The following LHPP variants were observed in gnomAD, a reference collection of about 807,000 sequenced individuals.
LHPP encodes hLHPP.
Under a neutral mutation model 30.3 loss-of-function variants are expected in LHPP, and 24 were observed. The ratio of observed to expected loss-of-function variants is 0.79; its 90% confidence interval spans 0.57 to 1.11. LHPP has a LOEUF of 1.11. Among genes scored for constraint, LHPP ranks in the 50% most tolerant of loss-of-function variants. The probability of loss-of-function intolerance (pLI) is 0.00; values close to 1 mark genes in which losing one functional copy is unlikely to be tolerated. For missense variants in LHPP, 356 were observed against 367.2 expected, an observed-to-expected ratio of 0.97 and a Z score of 0.25; for synonymous variants, 150 against 157.1, an observed-to-expected ratio of 0.95 and a Z score of 0.34.
At chr10:124,550,297 G>A (rs935246979) in intron 6 of LHPP, among the ~76,000 whole-genome samples, 3 of 152,346 alleles carry the variant, frequency 2.0e-5, no homozygotes, top group Non-Finnish European at 2.9e-5. Context: ...GGTGACCCCC[G>A]TCTTGGTTGT....
At chr10:124,469,501 C>T (rs1235402217) in intron 1 of LHPP, among the ~76,000 whole-genome samples, 2 of 145,932 alleles carry the variant, frequency 1.4e-5, no homozygotes, top group African/African-American at 5.0e-5. Context: ...TTCACACCAG[C>T]CCCTGAGGTG....
At chr10:124,474,003 T>C (rs929211668) in intron 1 of LHPP, among the ~76,000 whole-genome samples, 2 of 152,050 alleles carry the variant, frequency 1.3e-5, no homozygotes, top group Non-Finnish European at 2.9e-5. Context: ...AAGTTTTTGT[T>C]TTCTTTTCCT....
At position 124,569,302 on chromosome 10, in the gene LHPP, G is replaced by T. The variant is rs544630648; in HGVS notation, c.717-43962G>T. ...CCTAGTTTTGGATCAGGTTTTTGAG[G>T]TTGTGCAAACGTAGGAATGAGGCCT... On this transcript the variant is annotated intron_variant, in intron 6 of 6. Transcript: ENST00000368842. 3.3e-5 allele frequency among the ~76,000 whole-genome samples: 5 copies of T among 152,284 alleles called. No individual in the cohort carries two copies. The South Asian group carries it at 1.0e-3, about 32-fold the overall frequency.
intron 1 of LHPP, among the ~76,000 whole-genome samples, chr10:124,476,903 C>T (rs1252282635): frequency 6.6e-6 from 1 of 152,150 alleles, no homozygotes; most frequent in African/African-American, 2.4e-5. Flanking sequence ...GCCCAGAGGC[C>T]CCGTTATTAA....
chr10:124,539,690 C>T (rs1342806361), intron 6 of LHPP, among the ~76,000 whole-genome samples: 4 of 149,222 alleles, frequency 2.7e-5, no homozygotes, highest in Admixed American at 1.3e-4. Context: ...GAGCTGAGAT[C>T]GTGCCACTGC....
chr10:124,524,976 G>T (rs758966363), intron 6 of LHPP, among the ~76,000 whole-genome samples: 1 of 152,226 alleles, frequency 6.6e-6, no homozygotes, highest in Non-Finnish European at 1.5e-5. Context: ...GAATTAGGAG[G>T]CTATCAGCTC....
chr10:124,590,861 C>T lies in LHPP; in HGVS notation c.717-22403C>T, dbSNP rs116077351. Among the ~76,000 whole-genome samples the T allele has an allele frequency of 8.9e-3, 1,358 of 152,320 alleles. 22 individuals carry two copies. The highest frequency in any genetic ancestry group is 0.03 in the African/African-American group (1,260 of 41,572). On this transcript the variant is annotated intron_variant, in intron 6 of 6. Transcript: ENST00000368842. This position sits in a 1 kb window ranked among gnomAD's most constrained non-coding sequence, Gnocchi z 4.3. Reference sequence around the variant, plus strand: ...ATGGCTTCGTATCCATCTGGCTGTGCCCTGTAACTCAAGGGATGGGACTGT... The same window carrying T: ...ATGGCTTCGTATCCATCTGGCTGTGTCCTGTAACTCAAGGGATGGGACTGT...
chr10:124,538,176 AGGGTCACCATGCG>A (rs1163883212), intron 6 of LHPP, among the ~76,000 whole-genome samples: 21 of 38,396 alleles, frequency 5.5e-4, no homozygotes, highest in African/African-American at 3.1e-3. Flanking sequence ...CTCACCATGC[AGGGTCACCATGCG>A]GGGTCACCAT....
In LHPP at chr10:124,576,837, A is replaced by T. The variant is rs928018096; in HGVS notation, c.717-36427A>T. Among the ~76,000 whole-genome samples the T allele has an allele frequency of 6.7e-6, 1 of 150,232 alleles. No individual in the cohort carries two copies. The highest frequency in any genetic ancestry group is 2.4e-5 in the African/African-American group (1 of 41,182). On this transcript the variant is annotated intron_variant, in intron 6 of 6. Transcript: ENST00000368842. The surrounding 1 kb of genome is among the most constrained non-coding windows in gnomAD (Gnocchi z 4.2). ...GTCCTTCCGTAGCCCACGATACCTC[A>T]TCCAGCCCGGGCCCGTGGGTGGGCT...
intron 5 of LHPP, among the ~76,000 whole-genome samples, chr10:124,509,876 C>G (rs907043191): frequency 6.6e-5 from 10 of 152,244 alleles, no homozygotes; most frequent in African/African-American, 2.4e-4. Context: ...TTGTGAACCA[C>G]GGAAGCTCTT....
intron 6 of LHPP, among the ~76,000 whole-genome samples, chr10:124,588,144 C>G (rs536983481): frequency 6.6e-6 from 1 of 152,328 alleles, no homozygotes; most frequent in Admixed American, 6.5e-5. Flanking sequence ...TGCTGAGGCC[C>G]GGGGGCTTCA....
intron 5 of LHPP, among the ~76,000 whole-genome samples, chr10:124,515,367 A>G (rs569353437): frequency 6.6e-6 from 1 of 151,872 alleles, no homozygotes; most frequent in Admixed American, 6.5e-5. Flanking sequence ...TTTATCTTCC[A>G]TTTCTCTACT....
chr10:124,595,770 G>A (rs1589704367), intron 6 of LHPP, among the ~76,000 whole-genome samples: 1 of 152,194 alleles, frequency 6.6e-6, no homozygotes, highest in African/African-American at 2.4e-5. Flanking sequence ...TGCCCTTCTA[G>A]GCTATCTGGG....
chr10:124,600,370 G>A (rs1031038322), intron 6 of LHPP, among the ~76,000 whole-genome samples: 2 of 152,278 alleles, frequency 1.3e-5, no homozygotes, highest in Non-Finnish European at 2.9e-5. Flanking sequence ...GCAGGCGACT[G>A]GGGCAGGGTG....
chr10:124,536,334 G>C lies in LHPP; in HGVS notation c.716+19063G>C, dbSNP rs149653715. ...GGAGAAGAAGGGGTTAACCTGTCTGGAACCAGGAAAGAGGAAGCGGTAGTG... is the reference window on the plus strand; with the variant it reads ...GGAGAAGAAGGGGTTAACCTGTCTGCAACCAGGAAAGAGGAAGCGGTAGTG... On this transcript the variant is annotated intron_variant, in intron 6 of 6. Coordinates refer to ENST00000368842, the MANE Select transcript of LHPP (RefSeq NM_022126.4). Among the ~76,000 whole-genome samples, 5 of 152,368 alleles carry C rather than the reference G, an allele frequency of 3.3e-5. No homozygotes were observed. The East Asian group carries it at 9.6e-4, about 29-fold the overall frequency.
chr10:124,461,998 C>T lies in LHPP; in HGVS notation c.125+11C>T, dbSNP rs1323939497. On this transcript the variant is annotated intron_variant, in intron 1 of 6. Coordinates refer to ENST00000368842, the MANE Select transcript of LHPP (RefSeq NM_022126.4). ...GGAGGCGGTGGCCAGGTGAGTGGGC[C>T]CCGGGACGCCGCTGGGGCCGCCGAG... 4.1e-6 allele frequency: 5 copies of T among 1,209,698 alleles called. No homozygotes were observed. The highest frequency in any genetic ancestry group is 5.1e-6 in the Non-Finnish European group (5 of 972,154). The allele number at this position is 1,209,698 out of a possible 1,614,324, so 74.9% of individuals were successfully genotyped here. A position where few individuals can be genotyped will look rare whatever the true frequency, so the allele number is the denominator to read the frequency against.
At chr10:124,463,227 T>C (rs529739645) in intron 1 of LHPP, among the ~76,000 whole-genome samples, 2 of 152,356 alleles carry the variant, frequency 1.3e-5, no homozygotes, top group South Asian at 2.1e-4. Context: ...ATACCTTTTT[T>C]TTTTAACTTT....
In LHPP at chr10:124,484,257, G is replaced by A. The variant is rs375515711; in HGVS notation, c.244G>A (p.Ala82Thr). Residue 82 changes from alanine to threonine, a missense_variant, in exon 2 of 7, where the codon GCC becomes ACC. Transcript: ENST00000368842. ...TGACATCTCTGAGCAGGAGGTGACC[G>A]CCCCGGCACCAGCTGCCTGCCAGAT... ...GFDISEQEVT[A>T]PAPAACQILK... is the part of the protein sequence containing the mutation. The A allele has an allele frequency of 2.3e-4, 379 of 1,613,874 alleles. 1 individual carries two copies. Among genetic ancestry groups the A allele is most frequent in the Non-Finnish European group, 3.1e-4 (366 of 1,180,008 alleles).
At chr10:124,498,375 T>C in intron 5 of LHPP, 6 of 1,556,244 alleles carry the variant, frequency 3.9e-6, no homozygotes, top group Non-Finnish European at 5.2e-6. Context: ...CGGCTTTTCC[T>C]GAGTTTTTGC....
Sources: allele counts gnomAD v4.1 joint callset (sites outside exome capture counted in the v4.1 genomes callset), GRCh38; gene constraint gnomAD v4.1.1; non-coding constraint Gnocchi (gnomAD v3.1); transcripts MANE v1.5; gene names NCBI Gene and HGNC (gene_info 2026-07-23, HGNC 2026-07-21).